The following BCAS4 variants were observed in gnomAD, a reference collection of about 807,000 sequenced individuals.
BCAS4 encodes the protein breast carcinoma amplified sequence 4, also known as breast carcinoma-amplified sequence 4.
In BCAS4, 9 loss-of-function variants were observed where a neutral mutation model predicts 15.7. The ratio of observed to expected loss-of-function variants is 0.57; its 90% confidence interval spans 0.34 to 1.00. The LOEUF (loss-of-function observed/expected upper bound fraction) is 1.00. Among genes scored for constraint, BCAS4 ranks in the 50% least tolerant of loss-of-function variants. The probability of loss-of-function intolerance (pLI) is 0.02; values close to 1 mark genes in which losing one functional copy is unlikely to be tolerated. For synonymous variants in BCAS4, 101 were observed against 99.5 expected, an observed-to-expected ratio of 1.02 and a Z score of -0.09; for missense variants, 225 against 239.1, an observed-to-expected ratio of 0.94 and a Z score of 0.39.
chr20:50,862,720 G>C (rs183922973), intron 4 of BCAS4, among the ~76,000 whole-genome samples: 1 of 152,112 alleles, frequency 6.6e-6, no homozygotes, highest in Admixed American at 6.5e-5. Context: ...GTGCTTCTCT[G>C]TAGGGAGGGG....
chr20:50,825,489 C>T (rs1045532331), intron 2 of BCAS4, among the ~76,000 whole-genome samples: 18 of 152,230 alleles, frequency 1.2e-4, no homozygotes, highest in Non-Finnish European at 1.8e-4. Flanking sequence ...TGAGTAACTA[C>T]GGTAAACCTC....
intron 3 of BCAS4, among the ~76,000 whole-genome samples, chr20:50,838,678 C>G (rs2088439454): frequency 6.6e-6 from 1 of 152,062 alleles, no homozygotes; most frequent in African/African-American, 2.4e-5. Flanking sequence ...AACTCCGTCT[C>G]TACTAAAAAT....
intron 3 of BCAS4, chr20:50,840,623 C>T (rs544910405): frequency 6.5e-5 from 104 of 1,601,934 alleles, no homozygotes; most frequent in Non-Finnish European, 8.0e-5. Context: ...CATTACGATT[C>T]GCCTGCTTGC....
intron 4 of BCAS4, chr20:50,876,112 G>A (rs960481738): frequency 2.8e-5 from 12 of 424,146 alleles, no homozygotes; most frequent in East Asian, 7.1e-5. Flanking sequence ...TACCATGCCC[G>A]GCTAATTTCT....
intron 3 of BCAS4, chr20:50,833,111 A>C (rs2088364022): frequency 6.6e-6 from 1 of 152,406 alleles, no homozygotes; most frequent in South Asian, 2.1e-4. Context: ...GGGTGGGGGA[A>C]CTGTGGGAAC....
chr20:50,873,831 G>A (rs549538346), intron 4 of BCAS4, among the ~76,000 whole-genome samples: 8 of 152,342 alleles, frequency 5.3e-5, no homozygotes, highest in South Asian at 4.1e-4. Context: ...TCCATTCGCC[G>A]TGTTTGAGGT....
At chr20:50,836,106 C>T (rs1005569897) in intron 3 of BCAS4, among the ~76,000 whole-genome samples, 1 of 152,032 alleles carries the variant, frequency 6.6e-6, no homozygotes. Context: ...TTAGTAGAGA[C>T]GGAGTTTCAC....
chr20:50,880,629 CT>C (rs1394693477), downstream of BCAS4: 1 of 152,116 alleles, frequency 6.6e-6, no homozygotes, highest in Non-Finnish European at 1.5e-5. Context: ...CAGTCTTTTT[CT>C]TTTGTGGCTG....
At chr20:50,879,125 A>T (rs1291213417), downstream of BCAS4, 1 of 152,280 alleles carries the variant, frequency 6.6e-6, no homozygotes, top group Non-Finnish European at 1.5e-5. Context: ...GTCACTGTAG[A>T]TCATTCCCAT....
intron 4 of BCAS4, among the ~76,000 whole-genome samples, chr20:50,843,835 C>T (rs562755467): frequency 5.9e-5 from 9 of 152,302 alleles, no homozygotes; most frequent in African/African-American, 2.2e-4. Context: ...TGACATTTCC[C>T]ACTGACGGCT....
At chr20:50,862,933 G>A (rs1053868889) in intron 4 of BCAS4, among the ~76,000 whole-genome samples, 8 of 152,044 alleles carry the variant, frequency 5.3e-5, no homozygotes, top group African/African-American at 1.9e-4. Flanking sequence ...TCTACCTCCC[G>A]GGTTCTTGTG....
chr20:50,804,568 G>C (rs1002615585), intron 1 of BCAS4, among the ~76,000 whole-genome samples: 4 of 152,190 alleles, frequency 2.6e-5, no homozygotes, highest in Non-Finnish European at 2.9e-5. Context: ...AAATATGTAG[G>C]ATAAATACCT....
chr20:50,795,201 G>T, intron 1 of BCAS4, 28 bp downstream of exon 1: 1 of 1,368,258 alleles, frequency 7.3e-7, no homozygotes, highest in Non-Finnish European at 9.5e-7. Flanking sequence ...GGAGTTGGAG[G>T]AGAGGGTTCT....
At chr20:50,866,222 C>G (rs879492080) in intron 4 of BCAS4, among the ~76,000 whole-genome samples, 8 of 152,212 alleles carry the variant, frequency 5.3e-5, no homozygotes, top group African/African-American at 1.7e-4. Context: ...CAGCAGCCAC[C>G]GGCCGTGGTG....
At chr20:50,829,844 G>A (rs1263998014) in intron 2 of BCAS4, among the ~76,000 whole-genome samples, 2 of 152,062 alleles carry the variant, frequency 1.3e-5, no homozygotes, top group African/African-American at 2.4e-5. Context: ...ATACATAAGA[G>A]TTGTGGCTTT....
chr20:50,797,822 C>T (rs111979908), intron 1 of BCAS4, among the ~76,000 whole-genome samples: 8,155 of 152,016 alleles, frequency 0.054, 334 homozygotes, highest in African/African-American at 0.11. Flanking sequence ...TGCGCCACCA[C>T]GCCCAGCGAA....
chr20:50,814,834 G>A (rs1257028609), intron 1 of BCAS4, among the ~76,000 whole-genome samples: 1 of 152,204 alleles, frequency 6.6e-6, no homozygotes, highest in East Asian at 1.9e-4. Flanking sequence ...TTGGGTGGGT[G>A]CAGTGGCTCA....
intron 4 of BCAS4, among the ~76,000 whole-genome samples, chr20:50,875,642 G>C (rs531778675): frequency 6.6e-6 from 1 of 151,302 alleles, no homozygotes; most frequent in Admixed American, 6.6e-5. Flanking sequence ...TTAGCCGGGC[G>C]TGGTGGTGCA....
intron 3 of BCAS4, among the ~76,000 whole-genome samples, chr20:50,838,499 C>T (rs1292163450): frequency 3.3e-5 from 5 of 152,040 alleles, no homozygotes; most frequent in African/African-American, 1.2e-4. Context: ...CACCTGGGAT[C>T]GGGAGTTCGA....
Sources: allele counts gnomAD v4.1 joint callset (sites outside exome capture counted in the v4.1 genomes callset), GRCh38; gene constraint gnomAD v4.1.1; transcripts MANE v1.5; gene names NCBI Gene and HGNC (gene_info 2026-07-23, HGNC 2026-07-21).